Variants in WWOX observed in about 807,000 individuals in gnomAD.
WWOX encodes WW domain containing oxidoreductase.
WWOX carries 69 observed loss-of-function variants against 46.2 expected under a neutral mutation model. That is an observed-to-expected ratio of 1.49 (90% CI 1.23 to 1.82). The LOEUF is 1.82. WWOX is among the 40% of genes most tolerant of loss of function. The pLI, the probability that WWOX is intolerant of heterozygous loss-of-function variation, is 0.00. For missense variants in WWOX, 919 were observed against 542.6 expected, an observed-to-expected ratio of 1.69 and a Z score of -6.89; for synonymous variants, 359 against 202.6, an observed-to-expected ratio of 1.77 and a Z score of -6.56.
Position 78,575,562 on chromosome 16 carries a change from G to A in WWOX, c.1056+142810G>A, listed in dbSNP as rs1304201978. 5.3e-5 allele frequency among the ~76,000 whole-genome samples: 8 copies of A among 152,178 alleles called. No individual in the cohort carries two copies. The South Asian group carries it at 1.7e-3, about 32-fold the overall frequency. On this transcript the variant is annotated intron_variant, in intron 8 of 8. Transcript: ENST00000566780. ...GACTTCAGCTTTGTTTTGGACTGGG[G>A]CATTGGATCTCCCACATGCCCTCTC...
chr16:78,764,001 C>G (rs536367621), intron 8 of WWOX, among the ~76,000 whole-genome samples: 2 of 152,148 alleles, frequency 1.3e-5, no homozygotes, highest in African/African-American at 4.8e-5. Context: ...CATGTTGGGC[C>G]TCTGCCCAGA....
chr16:78,628,761 A>G (rs1337670436), intron 8 of WWOX, among the ~76,000 whole-genome samples: 1 of 152,132 alleles, frequency 6.6e-6, no homozygotes, highest in Non-Finnish European at 1.5e-5. Context: ...ATGAATTATG[A>G]AAGGAAGAGG....
chr16:78,716,966 G>A (rs778517763), intron 8 of WWOX, among the ~76,000 whole-genome samples: 7 of 152,198 alleles, frequency 4.6e-5, no homozygotes, highest in Non-Finnish European at 1.0e-4. Context: ...GATAAGGAAT[G>A]TCTTGATGTT....
intron 8 of WWOX, among the ~76,000 whole-genome samples, chr16:78,775,095 C>T (rs1458872861): frequency 6.6e-6 from 1 of 152,178 alleles, no homozygotes; most frequent in Non-Finnish European, 1.5e-5. Context: ...GTGACAGAGT[C>T]ACCAACTCAC....
chr16:78,565,054 C>T (rs1369574345), intron 8 of WWOX, among the ~76,000 whole-genome samples: 1 of 152,154 alleles, frequency 6.6e-6, no homozygotes, highest in Non-Finnish European at 1.5e-5. Context: ...TTGAACTGTT[C>T]TCTCCCCAGC....
chr16:78,871,446 C>T (rs1228350578), intron 8 of WWOX, among the ~76,000 whole-genome samples: 3 of 152,130 alleles, frequency 2.0e-5, no homozygotes, highest in South Asian at 2.1e-4. Flanking sequence ...AGCTTGTGTC[C>T]ACCACAGTTT....
At chr16:79,153,052 C>T (rs765071114) in intron 8 of WWOX, among the ~76,000 whole-genome samples, 18 of 152,126 alleles carry the variant, frequency 1.2e-4, no homozygotes, top group African/African-American at 3.9e-4. Flanking sequence ...GCAGAGCGAG[C>T]GGAGGCCTGG....
rs143660778 is a variant in WWOX, at chr16:78,709,251, A to G, written c.1056+276499A>G. ...TGTTAACACAATGCTTTTATCCCGT[A>G]ATCTCTGCCTGCGGGAGACAAAATA... On this transcript the variant is annotated intron_variant, in intron 8 of 8. Coordinates refer to ENST00000566780, the MANE Select transcript of WWOX (RefSeq NM_016373.4). Among the ~76,000 whole-genome samples, 388 of 152,318 alleles carry G rather than the reference A, an allele frequency of 2.5e-3. 2 individuals are homozygous for G. The highest frequency in any genetic ancestry group is 8.5e-3 in the African/African-American group (355 of 41,576).
At chr16:78,826,988 C>T (rs1187010475) in intron 8 of WWOX, among the ~76,000 whole-genome samples, 2 of 152,122 alleles carry the variant, frequency 1.3e-5, no homozygotes, top group African/African-American at 4.8e-5. Context: ...ACTAACCAGC[C>T]GGGTTTAGAT....
chr16:78,586,177 C>G (rs774431351), intron 8 of WWOX, among the ~76,000 whole-genome samples: 11 of 151,960 alleles, frequency 7.2e-5, no homozygotes, highest in Middle Eastern at 3.2e-3. Context: ...GGCAACATAG[C>G]GAGACCCTGT....
intron 8 of WWOX, among the ~76,000 whole-genome samples, chr16:78,591,811 G>T (rs2045358756): frequency 6.6e-6 from 1 of 152,170 alleles, no homozygotes; most frequent in Non-Finnish European, 1.5e-5. Flanking sequence ...GTGGTAGCTG[G>T]TGACAAAACT....
intron 8 of WWOX, among the ~76,000 whole-genome samples, chr16:78,951,194 T>C (rs1255507765): frequency 1.3e-5 from 2 of 152,172 alleles, no homozygotes; most frequent in Non-Finnish European, 2.9e-5. Flanking sequence ...ATCTAAGTGA[T>C]TAAATGGCGC....
chr16:78,874,478 A>T (rs960403233), intron 8 of WWOX, among the ~76,000 whole-genome samples: 13 of 151,822 alleles, frequency 8.6e-5, no homozygotes, highest in Non-Finnish European at 1.3e-4. Flanking sequence ...AAAATTATGG[A>T]CTTGTCTGAG....
chr16:78,904,033 C>G (rs559923429), intron 8 of WWOX, among the ~76,000 whole-genome samples: 1 of 152,116 alleles, frequency 6.6e-6, no homozygotes, highest in Admixed American at 6.5e-5. Flanking sequence ...ACACCTTTAC[C>G]CTGTTATTAA....
At chr16:78,589,596 A>G (rs1228226050) in intron 8 of WWOX, among the ~76,000 whole-genome samples, 1 of 152,186 alleles carries the variant, frequency 6.6e-6, no homozygotes, top group Non-Finnish European at 1.5e-5. Flanking sequence ...TGGTTAAGTT[A>G]CAGTAGAGAA....
At chr16:78,997,138 G>A (rs992641032) in intron 8 of WWOX, among the ~76,000 whole-genome samples, 7 of 151,918 alleles carry the variant, frequency 4.6e-5, no homozygotes, top group African/African-American at 9.7e-5. Context: ...AGTGGTTCGT[G>A]TGTGTGCCTG....
chr16:78,392,711 C>G (rs550074277), intron 6 of WWOX, among the ~76,000 whole-genome samples: 14 of 152,164 alleles, frequency 9.2e-5, no homozygotes, highest in Non-Finnish European at 1.5e-4. Context: ...GAGACTCAAT[C>G]AACTTCGTGT....
At chr16:79,032,156 A>G (rs1289370530) in intron 8 of WWOX, among the ~76,000 whole-genome samples, 1 of 145,630 alleles carries the variant, frequency 6.9e-6, no homozygotes, top group Non-Finnish European at 1.5e-5. Context: ...AACAAAGTCT[A>G]TAAAAACTGT....
chr16:79,143,603 TATG>T (rs756475607), intron 8 of WWOX, among the ~76,000 whole-genome samples: 1 of 152,188 alleles, frequency 6.6e-6, no homozygotes, highest in African/African-American at 2.4e-5. Context: ...TGATAAAAAT[TATG>T]ATAATAATAT....
Sources: allele counts gnomAD v4.1 joint callset (sites outside exome capture counted in the v4.1 genomes callset), GRCh38; gene constraint gnomAD v4.1.1; transcripts MANE v1.5; gene names NCBI Gene and HGNC (gene_info 2026-07-23, HGNC 2026-07-21).